The following PI4KA variants were observed in gnomAD, a reference collection of about 807,000 sequenced individuals.
PI4KA encodes the protein phosphatidylinositol 4-kinase alpha.
A neutral mutation model predicts 271.4 loss-of-function variants in PI4KA; 122 were observed. The observed-to-expected ratio is 0.45, with a 90% CI of 0.39 to 0.52. The LOEUF (loss-of-function observed/expected upper bound fraction) is 0.52, where lower values mean the gene tolerates loss of function less well. Ranked by LOEUF, PI4KA falls within the 20% of genes least tolerant of loss-of-function variation. PI4KA has a pLI of 0.00. For synonymous variants in PI4KA, 1,041 were observed against 1,078.8 expected, an observed-to-expected ratio of 0.96 and a Z score of 0.69; for missense variants, 1,969 against 2,769.1, an observed-to-expected ratio of 0.71 and a Z score of 6.48.
At chr22:20,835,977 A>G (rs1005852470) in intron 2 of PI4KA, among the ~76,000 whole-genome samples, 10 of 151,770 alleles carry the variant, frequency 6.6e-5, no homozygotes, top group Non-Finnish European at 1.2e-4. Flanking sequence ...AAGTAAACCC[A>G]GGAGGCGGAG....
At chr22:20,798,913 C>A (rs1322622209) in intron 16 of PI4KA, 180 bp downstream of exon 16, 6 of 631,478 alleles carry the variant, frequency 9.5e-6, no homozygotes, top group Admixed American at 2.9e-5. Flanking sequence ...AGAAATTAAA[C>A]CTCTTTTTCC....
intron 1 of PI4KA, among the ~76,000 whole-genome samples, chr22:20,845,830 A>G (rs1450479638): frequency 6.6e-6 from 1 of 152,190 alleles, no homozygotes; most frequent in African/African-American, 2.4e-5. Context: ...GTGCCACTGC[A>G]CTCCAGCCTG....
At chr22:20,794,304 G>T (rs562298904) in intron 18 of PI4KA, among the ~76,000 whole-genome samples, 2 of 152,130 alleles carry the variant, frequency 1.3e-5, no homozygotes, top group East Asian at 1.9e-4. Flanking sequence ...ATTTCCAGGG[G>T]AGAGCAGGCT....
chr22:20,715,134 G>A (rs1037076017), intron 45 of PI4KA, among the ~76,000 whole-genome samples: 12 of 151,272 alleles, frequency 7.9e-5, no homozygotes, highest in African/African-American at 2.4e-4. Flanking sequence ...GCAGTGGTGC[G>A]ATCTTGGCTC....
At chr22:20,732,582 T>C (rs7290692) in intron 36 of PI4KA, among the ~76,000 whole-genome samples, 82 of 152,320 alleles carry the variant, frequency 5.4e-4, no homozygotes, top group African/African-American at 1.8e-3. Context: ...TTCCCTCATA[T>C]TGAAATCACC....
At chr22:20,744,537 G>A (rs1929841059) in intron 30 of PI4KA, 91 bp downstream of exon 30, 4 of 832,722 alleles carry the variant, frequency 4.8e-6, no homozygotes, top group South Asian at 2.9e-5. Context: ...TCACCGGGAC[G>A]CTTTGTTCAT....
intron 28 of PI4KA, 146 bp downstream of exon 28, chr22:20,749,759 A>T: frequency 1.0e-5 from 5 of 495,768 alleles, no homozygotes; most frequent in East Asian, 4.4e-5. Flanking sequence ...CCTCTGAGGC[A>T]TCTATTATTC....
At chr22:20,844,976 G>T (rs1043397849) in intron 1 of PI4KA, among the ~76,000 whole-genome samples, 2 of 152,110 alleles carry the variant, frequency 1.3e-5, no homozygotes, top group African/African-American at 4.8e-5. Context: ...AGGGGTCTTA[G>T]GGGGAGTGGG....
rs746977422 is a variant in PI4KA, at chr22:20,718,734, A to G, written c.5205T>C (p.Phe1735=). The G allele has an allele frequency of 1.2e-6, 2 of 1,613,942 alleles. No homozygotes were observed. The highest frequency in any genetic ancestry group is 1.7e-6 in the Non-Finnish European group (2 of 1,179,918). ...GPAKDFYQRE[F]DFFNKITNVS... is the part of the protein sequence containing the mutation. The stretch of plus-strand genomic sequence containing the variant: ...CGTTGGTGATCTTGTTAAAGAAATC[A>G]AACTCCCGCTGGTAAAAGTCCTTCG... The change falls in exon 44 of 55, where the codon TTT becomes TTC. Residue 1735 remains phenylalanine (F), a synonymous_variant. Transcript: ENST00000255882.
chr22:20,818,979 G>A (rs1371368376), intron 6 of PI4KA, among the ~76,000 whole-genome samples: 3 of 152,182 alleles, frequency 2.0e-5, no homozygotes, highest in Admixed American at 6.5e-5. Context: ...GTTTGGTGGC[G>A]ACAAAGGAAT....
At chr22:20,786,489 T>C (rs1193274130) in intron 19 of PI4KA, among the ~76,000 whole-genome samples, 1 of 152,164 alleles carries the variant, frequency 6.6e-6, no homozygotes, top group Non-Finnish European at 1.5e-5. Flanking sequence ...CACCGCACTA[T>C]ACACATACTT....
chr22:20,753,047 A>G lies in PI4KA; in HGVS notation c.2863-20T>C. The G allele has an allele frequency of 6.2e-7, 1 of 1,614,224 alleles. No individual in the cohort carries two copies. Among genetic ancestry groups the G allele is most frequent in the Middle Eastern group, 1.6e-4 (1 of 6,062 alleles). On this transcript the variant is annotated intron_variant, in intron 24 of 54. Transcript: ENST00000255882. The stretch of plus-strand genomic sequence containing the variant: ...CTTGGCCTAGAGATGCAAAAGAAAC[A>G]GGTACCGCAGTGCCCCAGATGCCTC...
intron 51 of PI4KA, chr22:20,711,092 C>A: frequency 1.8e-6 from 1 of 554,668 alleles, no homozygotes; most frequent in South Asian, 2.0e-5. Context: ...CCTGGACCAG[C>A]CCCACTCCGC....
At chr22:20,853,743 G>A (rs1291960774) in intron 1 of PI4KA, among the ~76,000 whole-genome samples, 1 of 152,086 alleles carries the variant, frequency 6.6e-6, no homozygotes, top group Non-Finnish European at 1.5e-5. Flanking sequence ...TGGGAACATG[G>A]CAGGAGTCTA....
chr22:20,815,791 G>A (rs1407446730), intron 7 of PI4KA, among the ~76,000 whole-genome samples: 5 of 152,118 alleles, frequency 3.3e-5, no homozygotes, highest in East Asian at 1.9e-4. Context: ...TGTGATTATC[G>A]GGCACTTCTC....
At chr22:20,854,224 G>A (rs1191950438) in intron 1 of PI4KA, among the ~76,000 whole-genome samples, 2 of 151,938 alleles carry the variant, frequency 1.3e-5, no homozygotes, top group African/African-American at 4.8e-5. Context: ...GGGTTCCAGT[G>A]ATTCTCTGGC....
rs739523 is a variant in PI4KA at position 20,796,416 on chromosome 22, C to G, written c.2109-102G>C. On this transcript the variant is annotated intron_variant, in intron 17 of 54. Transcript: ENST00000255882. ...GCGAGCTGAGCGGGCCAGGCCCAGC[C>G]TGCCTTACCACACTCCTCCCAGTGT... 0.069 allele frequency: 71,232 copies of G among 1,031,792 alleles called. 2,666 individuals are homozygous for G. Among genetic ancestry groups the G allele is most frequent in the Non-Finnish European group, 0.078 (53,864 of 694,666 alleles). 63.9% of individuals were successfully genotyped at this position (1,031,792 alleles called of 1,614,324 possible).
chr22:20,773,260 G>A lies in PI4KA; in HGVS notation c.2329-7567C>T, dbSNP rs186459327. Among the ~76,000 whole-genome samples, 331 of 150,618 alleles carry A rather than the reference G, an allele frequency of 2.2e-3. 1 individual carries two copies. The highest frequency in any genetic ancestry group is 8.1e-3 in the African/African-American group (329 of 40,706). On this transcript the variant is annotated intron_variant, in intron 19 of 54. Coordinates refer to ENST00000255882, the MANE Select transcript of PI4KA (RefSeq NM_058004.4). ...AAATTAGTTGGACATGGTGGTGTGC[G>A]CCTGTAATCTCAGCCACTCAGGAGG...
intron 8 of PI4KA, among the ~76,000 whole-genome samples, chr22:20,812,902 A>G (rs1190632068): frequency 6.6e-6 from 1 of 152,170 alleles, no homozygotes; most frequent in African/African-American, 2.4e-5. Context: ...GAATCGAACA[A>G]TGGCCCTGGT....
Sources: allele counts gnomAD v4.1 joint callset (sites outside exome capture counted in the v4.1 genomes callset), GRCh38; gene constraint gnomAD v4.1.1; transcripts MANE v1.5; gene names NCBI Gene and HGNC (gene_info 2026-07-23, HGNC 2026-07-21).